ZNF892: variants seen among roughly 807,000 people sequenced by gnomAD.
ZNF892 encodes the protein zinc finger protein 570-like.
At chr2:95,238,793 G>T in the ZNF892 span, among the ~76,000 whole-genome samples, 1 of 152,182 alleles carries the variant, frequency 6.6e-6, no homozygotes, top group Non-Finnish European at 1.5e-5. Flanking sequence ...CAAGCCTTCA[G>T]TGAAGGAAGT....
chr2:95,243,510 C>T, the ZNF892 span, among the ~76,000 whole-genome samples: 81 of 144,888 alleles, frequency 5.6e-4, no homozygotes, highest in Admixed American at 1.6e-3. Flanking sequence ...CCGCCCCGTC[C>T]GGGATGTGAG....
the ZNF892 span, among the ~76,000 whole-genome samples, chr2:95,249,778 A>G: frequency 6.6e-6 from 1 of 152,176 alleles, no homozygotes; most frequent in Non-Finnish European, 1.5e-5. Context: ...TACAAAAAGC[A>G]GGAAGCCAAA....
the ZNF892 span, among the ~76,000 whole-genome samples, chr2:95,256,080 T>C: frequency 1.3e-5 from 2 of 152,234 alleles, no homozygotes; most frequent in Non-Finnish European, 2.9e-5. Context: ...CATTTAAGGT[T>C]AATATTGTTA....
the ZNF892 span, among the ~76,000 whole-genome samples, chr2:95,247,930 G>A: frequency 2.0e-5 from 3 of 152,192 alleles, no homozygotes; most frequent in Non-Finnish European, 4.4e-5. Context: ...GCAGTTTGGC[G>A]ATTTCTTGGA....
chr2:95,253,724 T>A, the ZNF892 span, among the ~76,000 whole-genome samples: 1 of 152,338 alleles, frequency 6.6e-6, no homozygotes, highest in South Asian at 2.1e-4. Context: ...GAACATGGAA[T>A]GTTCTTCCAT....
chr2:95,262,920 C>G, the ZNF892 span, among the ~76,000 whole-genome samples: 28 of 152,298 alleles, frequency 1.8e-4, no homozygotes, highest in African/African-American at 6.3e-4. Flanking sequence ...CTATTATAGG[C>G]AGAATTCTAA....
chr2:95,231,060 T>A, the ZNF892 span, among the ~76,000 whole-genome samples: 2 of 152,226 alleles, frequency 1.3e-5, no homozygotes, highest in Admixed American at 1.3e-4. Flanking sequence ...AGATACCCAT[T>A]GACCCAGCAA....
chr2:95,248,591 A>G, the ZNF892 span, among the ~76,000 whole-genome samples: 1 of 152,244 alleles, frequency 6.6e-6, no homozygotes, highest in Non-Finnish European at 1.5e-5. Context: ...CTAAAAAAGT[A>G]AAGAAAAACC....
the ZNF892 span, among the ~76,000 whole-genome samples, chr2:95,261,306 T>G: frequency 2.0e-5 from 3 of 152,082 alleles, no homozygotes; most frequent in Non-Finnish European, 4.4e-5. Flanking sequence ...CTTTTTTTTT[T>G]TTTTTGAGAC....
At chr2:95,215,116 A>T in the ZNF892 span, 1 of 496,682 alleles carries the variant, frequency 2.0e-6, no homozygotes, top group East Asian at 3.2e-5. Context: ...GAGAAACCTT[A>T]TAAGTGTAAC....
chr2:95,257,747 C>T, the ZNF892 span, among the ~76,000 whole-genome samples: 1 of 152,316 alleles, frequency 6.6e-6, no homozygotes, highest in East Asian at 1.9e-4. Context: ...CTTTGTTTAC[C>T]TACTCAAGCC....
At chr2:95,229,357 A>G in the ZNF892 span, among the ~76,000 whole-genome samples, 1 of 152,168 alleles carries the variant, frequency 6.6e-6, no homozygotes, top group Non-Finnish European at 1.5e-5. Context: ...CTATAAACCC[A>G]GGTAACAACT....
At chr2:95,260,679 C>A in the ZNF892 span, among the ~76,000 whole-genome samples, 1 of 152,308 alleles carries the variant, frequency 6.6e-6, no homozygotes, top group Admixed American at 6.5e-5. Flanking sequence ...AGAAGACTGA[C>A]TGCAAGAGTA....
At chr2:95,216,213 GT>G in the ZNF892 span, among the ~76,000 whole-genome samples, 1 of 152,220 alleles carries the variant, frequency 6.6e-6, no homozygotes, top group Non-Finnish European at 1.5e-5. Context: ...CAGTTGAAAA[GT>G]TTCTGTGAGG....
chr2:95,247,366 A>G, the ZNF892 span, among the ~76,000 whole-genome samples: 1 of 152,228 alleles, frequency 6.6e-6, no homozygotes, highest in East Asian at 1.9e-4. Flanking sequence ...CTCAAGATGG[A>G]TTAAAGATGT....
At chr2:95,211,468 T>A in the ZNF892 span, 1 of 391,932 alleles carries the variant, frequency 2.6e-6, no homozygotes, top group Non-Finnish European at 4.5e-6. Flanking sequence ...CACCAGAGAA[T>A]CTTAGTACTG....
chr2:95,217,565 T>C, the ZNF892 span, among the ~76,000 whole-genome samples: 4 of 152,340 alleles, frequency 2.6e-5, no homozygotes, highest in Non-Finnish European at 4.4e-5. Context: ...AAACAAGTTA[T>C]GTGCTTCCAA....
At chr2:95,207,326 G>C in the ZNF892 span, among the ~76,000 whole-genome samples, 4 of 152,332 alleles carry the variant, frequency 2.6e-5, no homozygotes, top group East Asian at 5.8e-4. Context: ...GCCCAGAGTC[G>C]GCACCGAGGG....
the ZNF892 span, among the ~76,000 whole-genome samples, chr2:95,218,059 C>G: frequency 6.6e-6 from 1 of 152,172 alleles, no homozygotes; most frequent in African/African-American, 2.4e-5. Context: ...TTTCTGTCCC[C>G]TTTAGTGCCA....
Sources: allele counts gnomAD v4.1 joint callset (sites outside exome capture counted in the v4.1 genomes callset), GRCh38; gene constraint gnomAD v4.1.1; transcripts MANE v1.5; gene names NCBI Gene and HGNC (gene_info 2026-07-23, HGNC 2026-07-21).